Variants in LRRC1 observed in about 807,000 individuals in gnomAD.
The protein encoded by LRRC1 is leucine-rich repeat-containing protein 1.
LRRC1 carries 28 observed loss-of-function variants against 69.9 expected under a neutral mutation model. The ratio of observed to expected loss-of-function variants is 0.40; its 90% CI spans 0.30 to 0.55. The LOEUF (loss-of-function observed/expected upper bound fraction) is 0.55, where lower values mean the gene tolerates loss of function less well. Ranked by LOEUF, LRRC1 falls within the 20% of genes least tolerant of loss-of-function variation. The pLI, the probability that LRRC1 is intolerant of heterozygous loss-of-function variation, is 0.47. For synonymous variants in LRRC1, 236 were observed against 240.2 expected, an observed-to-expected ratio of 0.98 and a Z score of 0.16; for missense variants, 498 against 609.0, an observed-to-expected ratio of 0.82 and a Z score of 1.92.
At chr6:53,815,716 C>A (rs1764932443) in intron 1 of LRRC1, among the ~76,000 whole-genome samples, 1 of 152,188 alleles carries the variant, frequency 6.6e-6, no homozygotes, top group African/African-American at 2.4e-5. Context: ...TAAGCAAGTT[C>A]TCTCTCCTCC....
chr6:53,802,220 T>G (rs968589894), intron 1 of LRRC1, among the ~76,000 whole-genome samples: 8 of 152,124 alleles, frequency 5.3e-5, no homozygotes, highest in African/African-American at 1.9e-4. Context: ...TGGAAAGATC[T>G]TTGTTTCTAG....
At chr6:53,889,378 A>G (rs1186442868) in intron 4 of LRRC1, among the ~76,000 whole-genome samples, 4 of 152,172 alleles carry the variant, frequency 2.6e-5, no homozygotes, top group African/African-American at 9.6e-5. Context: ...AAAGAATTGA[A>G]AACCTAGGAG....
intron 2 of LRRC1, among the ~76,000 whole-genome samples, chr6:53,872,593 G>A (rs1462582129): frequency 6.6e-6 from 1 of 151,674 alleles, no homozygotes; most frequent in African/African-American, 2.4e-5. Flanking sequence ...TTTTTCTTTA[G>A]CATTACTTTG....
At chr6:53,909,173 A>G (rs921634709) in intron 10 of LRRC1, among the ~76,000 whole-genome samples, 1 of 152,240 alleles carries the variant, frequency 6.6e-6, no homozygotes, top group African/African-American at 2.4e-5. Flanking sequence ...TGTGCCAGGC[A>G]TGGTGCCAAG....
chr6:53,907,853 T>C (rs1768289828), intron 10 of LRRC1, among the ~76,000 whole-genome samples: 1 of 152,170 alleles, frequency 6.6e-6, no homozygotes, highest in Non-Finnish European at 1.5e-5. Context: ...ACATTTTAAG[T>C]TATTCAGAAA....
At chr6:53,915,572 G>T (rs569983599) in intron 11 of LRRC1, among the ~76,000 whole-genome samples, 1 of 152,264 alleles carries the variant, frequency 6.6e-6, no homozygotes, top group East Asian at 1.9e-4. Flanking sequence ...ACACTACTGA[G>T]CATGAATTTG....
intron 2 of LRRC1, among the ~76,000 whole-genome samples, chr6:53,860,873 T>C (rs747248647): frequency 6.6e-6 from 1 of 152,092 alleles, no homozygotes; most frequent in African/African-American, 2.4e-5. Flanking sequence ...CACACTAAAA[T>C]GGGCAGGGCA....
chr6:53,820,918 A>G (rs1765096772), intron 1 of LRRC1, among the ~76,000 whole-genome samples: 1 of 152,206 alleles, frequency 6.6e-6, no homozygotes, highest in Non-Finnish European at 1.5e-5. Flanking sequence ...TGGGAACACT[A>G]TGGGCTACTA....
intron 3 of LRRC1, among the ~76,000 whole-genome samples, chr6:53,879,323 A>G (rs1320283179): frequency 2.0e-5 from 3 of 152,204 alleles, no homozygotes; most frequent in Non-Finnish European, 4.4e-5. Flanking sequence ...ACAAAACAGG[A>G]TGAGGAGTGC....
At chr6:53,807,792 A>G (rs1046741360) in intron 1 of LRRC1, among the ~76,000 whole-genome samples, 13 of 152,242 alleles carry the variant, frequency 8.5e-5, no homozygotes, top group Admixed American at 5.9e-4. Context: ...ACCCCCCAAA[A>G]CAAGGAAGTA....
intron 1 of LRRC1, among the ~76,000 whole-genome samples, chr6:53,840,927 T>C (rs6932658): frequency 0.094 from 12,511 of 132,504 alleles, 607 homozygotes; most frequent in African/African-American, 0.13. Flanking sequence ...TGTGTGTGTG[T>C]GCGTGCGCGC....
At chr6:53,919,469 TC>T in intron 11 of LRRC1, 28 bp from the exon 12 acceptor site, 1 of 1,276,932 alleles carries the variant, frequency 7.8e-7, no homozygotes, top group Non-Finnish European at 1.0e-6. Flanking sequence ...TTGTGATGTC[TC>T]TTTTTTTAAA....
intron 1 of LRRC1, among the ~76,000 whole-genome samples, chr6:53,834,859 C>T (rs374018729): frequency 2.0e-5 from 3 of 152,026 alleles, no homozygotes; most frequent in East Asian, 1.9e-4. Context: ...CTACTCGGGA[C>T]GCTGAGGCAG....
chr6:53,892,007 T>TACACACACACAC lies in LRRC1; in HGVS notation c.447-4490_447-4489insCACACACACACA, dbSNP rs748031793. ...ATTCTGTCTAAAAAAAAAATATATA[T>TACACACACACAC]ATATACACACACACACACACACACA... is the stretch of plus-strand genomic sequence containing the variant. On this transcript the variant is annotated intron_variant, in intron 4 of 13. Coordinates refer to ENST00000370888, the MANE Select transcript of LRRC1 (RefSeq NM_018214.5). 2.1e-3 allele frequency among the ~76,000 whole-genome samples: 140 copies of TACACACACACAC among 67,232 alleles called. 1 individual carries two copies. The East Asian group carries it at 0.039, about 19-fold the overall frequency. The allele number at this position is 67,232 out of a possible 152,430, so 44.1% of individuals were successfully genotyped here.
intron 2 of LRRC1, among the ~76,000 whole-genome samples, chr6:53,853,282 ATTTT>A (rs59868633): frequency 3.8e-5 from 5 of 130,242 alleles, no homozygotes; most frequent in African/African-American, 5.8e-5. Flanking sequence ...GGTGGTTCAT[ATTTT>A]TTTTTTTTTT....
chr6:53,824,633 A>G (rs1765206607), intron 1 of LRRC1, among the ~76,000 whole-genome samples: 1 of 152,074 alleles, frequency 6.6e-6, no homozygotes, highest in East Asian at 1.9e-4. Context: ...CTGTTTTATG[A>G]CCCCAGAAAA....
intron 11 of LRRC1, among the ~76,000 whole-genome samples, chr6:53,914,924 G>T (rs1196014813): frequency 2.0e-5 from 3 of 152,200 alleles, no homozygotes; most frequent in Non-Finnish European, 4.4e-5. Context: ...TGATTTATGT[G>T]TCATTGTGTC....
At chr6:53,883,551 T>C (rs945614205) in intron 4 of LRRC1, among the ~76,000 whole-genome samples, 5 of 152,192 alleles carry the variant, frequency 3.3e-5, no homozygotes, top group African/African-American at 1.2e-4. Context: ...TGGCAAGAAA[T>C]AGAATCCATT....
At position 53,871,824 on chromosome 6, in the gene LRRC1, T is replaced by C. The variant is rs145092383; in HGVS notation, c.278-7169T>C. Among the ~76,000 whole-genome samples, 404 of 152,200 alleles carry C rather than the reference T, an allele frequency of 2.7e-3. 4 individuals are homozygous for C. The East Asian group carries it at 0.041, about 15-fold the overall frequency. On this transcript the variant is annotated intron_variant, in intron 2 of 13. Transcript: ENST00000370888. ...CCGGGATTACAGGCAAGTGCCACCA[T>C]GCCCAGCTAATTTTTGTATTTTTAG...
Sources: gnomAD v4.1 joint callset for allele counts (sites outside exome capture counted in the v4.1 genomes callset) on GRCh38, gnomAD v4.1.1 for gene constraint, MANE v1.5 for transcripts, NCBI Gene and HGNC (gene_info 2026-07-23, HGNC 2026-07-21) for gene names.